The following GRB10 variants were observed in gnomAD, a reference collection of about 807,000 sequenced individuals.
GRB10 encodes the protein growth factor receptor-bound protein 10.
A neutral mutation model predicts 80.9 loss-of-function variants in GRB10; 20 were observed. That is an observed-to-expected ratio of 0.25 (90% confidence interval 0.17 to 0.36). The LOEUF (loss-of-function observed/expected upper bound fraction) is 0.36. Among genes scored for constraint, GRB10 ranks in the 10% least tolerant of loss-of-function variants. The pLI is 1.00. For synonymous variants in GRB10, 291 were observed against 291.5 expected, an observed-to-expected ratio of 1.00 and a Z score of 0.02; for missense variants, 548 against 747.7, an observed-to-expected ratio of 0.73 and a Z score of 3.12.
At chr7:50,672,420 T>C (rs2060463728) in intron 6 of GRB10, among the ~76,000 whole-genome samples, 1 of 152,212 alleles carries the variant, frequency 6.6e-6, no homozygotes, top group African/African-American at 2.4e-5. Flanking sequence ...ACTCAGCAAA[T>C]GGCCTCACTT....
chr7:50,669,949 AG>A, intron 6 of GRB10, 86 bp from the exon 7 acceptor site: 1 of 1,493,532 alleles, frequency 6.7e-7, no homozygotes, highest in Non-Finnish European at 9.1e-7. Flanking sequence ...CCCAGAAAGC[AG>A]GACACAGGGC....
chr7:50,695,837 C>G (rs1286137017), intron 5 of GRB10, among the ~76,000 whole-genome samples: 1 of 151,872 alleles, frequency 6.6e-6, no homozygotes, highest in South Asian at 2.1e-4. Context: ...TACATTTGTT[C>G]AAAATTTTTA....
intron 3 of GRB10, among the ~76,000 whole-genome samples, chr7:50,734,463 C>CG (rs2070440421): frequency 1.0e-5 from 1 of 96,076 alleles, no homozygotes; most frequent in African/African-American, 2.8e-5. Context: ...GCCCACACCC[C>CG]CCACGCACGC....
At chr7:50,627,088 T>A in intron 7 of GRB10, 110 bp from the exon 8 acceptor site, 1 of 1,122,884 alleles carries the variant, frequency 8.9e-7, no homozygotes, top group Non-Finnish European at 1.3e-6. Flanking sequence ...CTCCAACACA[T>A]GGGCAACTGT....
At position 50,618,122 on chromosome 7, in the gene GRB10, C is replaced by T. The variant is rs749279784; in HGVS notation, c.795G>A (p.Gln265=). The change falls in exon 10 of 19, where the codon CAG becomes CAA. Residue 265 remains glutamine (Q), a synonymous_variant. Coordinates refer to ENST00000401949, the MANE Select transcript of GRB10 (RefSeq NM_001350814.2). ...TTGACTGCTGGCACCAAGTAACCAT[C>T]TGTTCTGGGAAGAAATTCTAAGAAA... ...FKNPMNFFPE[Q]MVTWCQQSNG... 30 of 1,613,822 alleles carry T rather than the reference C, an allele frequency of 1.9e-5. No individual in the cohort carries two copies. The highest frequency in any genetic ancestry group is 2.2e-5 in the Non-Finnish European group (26 of 1,179,868).
chr7:50,703,632 G>T (rs1401335590), intron 5 of GRB10, among the ~76,000 whole-genome samples, 189 bp downstream of exon 5: 2 of 152,202 alleles, frequency 1.3e-5, no homozygotes, highest in African/African-American at 4.8e-5. Flanking sequence ...TAATTGAAAG[G>T]AAATACATGA....
intron 7 of GRB10, among the ~76,000 whole-genome samples, chr7:50,628,605 G>A (rs368027970): frequency 2.2e-4 from 33 of 152,160 alleles, no homozygotes; most frequent in African/African-American, 6.3e-4. Flanking sequence ...CAGCGAGAGC[G>A]GAAGAGCCCT....
intron 7 of GRB10, among the ~76,000 whole-genome samples, chr7:50,631,277 A>T (rs1207908894): frequency 6.6e-6 from 1 of 152,146 alleles, no homozygotes; most frequent in East Asian, 1.9e-4. Flanking sequence ...TTGTAAAAAT[A>T]GCAAATGGGG....
At chr7:50,745,796 A>G (rs1351886387) in intron 3 of GRB10, among the ~76,000 whole-genome samples, 1 of 152,250 alleles carries the variant, frequency 6.6e-6, no homozygotes, top group Non-Finnish European at 1.5e-5. Flanking sequence ...CACAGAAGAC[A>G]TCTTTTTACC....
intron 1 of GRB10, among the ~76,000 whole-genome samples, chr7:50,790,741 T>G (rs2078877501): frequency 6.6e-6 from 1 of 152,244 alleles, no homozygotes; most frequent in Non-Finnish European, 1.5e-5. Context: ...TTCCTTAAAT[T>G]ATGCCACCTT....
intron 6 of GRB10, among the ~76,000 whole-genome samples, chr7:50,671,918 T>G (rs547973990): frequency 1.3e-5 from 2 of 152,232 alleles, no homozygotes; most frequent in African/African-American, 4.8e-5. Context: ...GAAGGGACAG[T>G]GACTATGGAG....
intron 3 of GRB10, among the ~76,000 whole-genome samples, chr7:50,734,861 G>T (rs1310764110): frequency 3.9e-5 from 6 of 152,158 alleles, no homozygotes; most frequent in Non-Finnish European, 8.8e-5. Flanking sequence ...GCTTAATGGT[G>T]AAAGATGAAA....
intron 5 of GRB10, among the ~76,000 whole-genome samples, chr7:50,697,741 A>G (rs1385800024): frequency 6.6e-6 from 1 of 152,216 alleles, no homozygotes; most frequent in Non-Finnish European, 1.5e-5. Context: ...AAGAATCCCC[A>G]AAGTTGAACT....
In GRB10 at chr7:50,590,933, G is replaced by A. The variant is rs2045777052; in HGVS notation, c.*2019C>T. On this transcript the variant is annotated 3_prime_UTR_variant, in exon 19 of 19. Transcript: ENST00000401949. Reference sequence around the variant, plus strand: ...CTGCAAATACAAGCTGTCTATTGGAGAGAGGCGTGTGAGAGAGAGATTATA... The same window carrying A: ...CTGCAAATACAAGCTGTCTATTGGAAAGAGGCGTGTGAGAGAGAGATTATA... The A allele has an allele frequency of 6.6e-6, 1 of 152,224 alleles. No individual in the cohort carries two copies. Among genetic ancestry groups the A allele is most frequent in the Non-Finnish European group, 1.5e-5 (1 of 68,048 alleles). The allele number at this position is 152,224 out of a possible 1,614,324, so 9.4% of individuals were successfully genotyped here.
chr7:50,766,884 T>C (rs1001744079), intron 2 of GRB10, among the ~76,000 whole-genome samples: 1 of 152,176 alleles, frequency 6.6e-6, no homozygotes, highest in Non-Finnish European at 1.5e-5. Context: ...TATATAAACA[T>C]GAATAAGGAA....
At chr7:50,742,382 G>C (rs78839035) in intron 3 of GRB10, among the ~76,000 whole-genome samples, 1,913 of 152,274 alleles carry the variant, frequency 0.013, 49 homozygotes, top group African/African-American at 0.044. Context: ...CCAAGGGCTG[G>C]TGATGGGACT....
chr7:50,643,974 C>A (rs755335561), intron 7 of GRB10, among the ~76,000 whole-genome samples: 34 of 152,114 alleles, frequency 2.2e-4, no homozygotes, highest in Admixed American at 2.6e-4. Context: ...TAATGACCTG[C>A]GGCTCTCCTC....
chr7:50,601,630 ATAAGTAAT>A (rs1231183610), intron 17 of GRB10, among the ~76,000 whole-genome samples: 1 of 152,212 alleles, frequency 6.6e-6, no homozygotes, highest in Non-Finnish European at 1.5e-5. Context: ...ATATAAAGTA[ATAAGTAAT>A]TAAGTTAATG....
chr7:50,737,719 G>C (rs550082873), intron 3 of GRB10, among the ~76,000 whole-genome samples: 1 of 152,276 alleles, frequency 6.6e-6, no homozygotes, highest in Admixed American at 6.5e-5. Flanking sequence ...CATGGTGGCA[G>C]GCACCTGCAA....
Sources: allele counts gnomAD v4.1 joint callset (sites outside exome capture counted in the v4.1 genomes callset), GRCh38; gene constraint gnomAD v4.1.1; transcripts MANE v1.5; gene names NCBI Gene and HGNC (gene_info 2026-07-23, HGNC 2026-07-21).